The following TENM2 variants were observed in gnomAD, a reference collection of about 807,000 sequenced individuals.
TENM2 encodes the protein teneurin transmembrane protein 2, also known as teneurin-2.
Under a neutral mutation model 245.2 loss-of-function variants are expected in TENM2, and 52 were observed. That is an observed-to-expected ratio of 0.21 (90% CI 0.17 to 0.27). The LOEUF (loss-of-function observed/expected upper bound fraction) is 0.27. TENM2 is among the 10% of genes least tolerant of loss of function. TENM2 has a pLI of 1.00. For missense variants in TENM2, 3,046 were observed against 3,666.8 expected (o/e 0.83, Z 4.37); for synonymous variants, 1,363 against 1,438.9 (o/e 0.95, Z 1.19).
intron 2 of TENM2, among the ~76,000 whole-genome samples, chr5:167,455,822 C>G (rs1765886964): frequency 6.6e-6 from 1 of 152,088 alleles, no homozygotes; most frequent in Non-Finnish European, 1.5e-5. Context: ...TTTCAAAAGA[C>G]ACCCAGCTGC....
chr5:167,037,349 T>G, the TENM2 span, among the ~76,000 whole-genome samples: 1 of 152,196 alleles, frequency 6.6e-6, no homozygotes, highest in Admixed American at 6.5e-5. Context: ...AGGTAATCAT[T>G]TCAGGAGAAA....
rs1267576531 is a variant in TENM2 at position 167,373,389 on chromosome 5, G to A, written c.227-1809G>A. On this transcript the variant is annotated intron_variant, in intron 1 of 28. Coordinates refer to ENST00000518659, the Ensembl canonical transcript of TENM2. ...CAAGAGTTTAGAGACAGAATGATAA[G>A]GAATGATCTTAATGTAATAGATATA... 2.0e-5 allele frequency among the ~76,000 whole-genome samples: 3 copies of A among 152,162 alleles called. No homozygotes were observed. In the East Asian group the frequency reaches 5.8e-4, roughly 29 times the overall value.
At chr5:168,201,851 G>GTTGA (rs1197207423) in intron 17 of TENM2, among the ~76,000 whole-genome samples, 2 of 152,022 alleles carry the variant, frequency 1.3e-5, no homozygotes, top group East Asian at 3.9e-4. Flanking sequence ...ATATAGCGTG[G>GTTGA]TTGGTTGGTT....
At chr5:167,021,674 C>A in the TENM2 span, among the ~76,000 whole-genome samples, 58,591 of 152,016 alleles carry the variant, frequency 0.39, 12,612 homozygotes, top group Admixed American at 0.54. Flanking sequence ...TCTCAGTGTT[C>A]TGTAAAACTG....
At chr5:167,958,376 G>A (rs1440563668) in intron 4 of TENM2, among the ~76,000 whole-genome samples, 1 of 152,060 alleles carries the variant, frequency 6.6e-6, no homozygotes, top group African/African-American at 2.4e-5. Context: ...ATCTGTCTTT[G>A]CATGTGAGAT....
chr5:167,316,940 T>C (rs1756399304), intron 1 of TENM2, among the ~76,000 whole-genome samples: 1 of 152,122 alleles, frequency 6.6e-6, no homozygotes, highest in Non-Finnish European at 1.5e-5. Flanking sequence ...GAGCACACAG[T>C]CAACAATGTC....
chr5:168,178,732 A>G (rs1759577936), intron 13 of TENM2, among the ~76,000 whole-genome samples: 1 of 152,248 alleles, frequency 6.6e-6, no homozygotes, highest in African/African-American at 2.4e-5. Context: ...GTCCTGTGAC[A>G]TTCAGAGGGT....
In TENM2 at chr5:167,690,969, G is replaced by A. The variant is rs868850933; in HGVS notation, c.503-185017G>A. Reference sequence around the variant, plus strand: ...TGTGTGTGTGTGTGTGTGTGTGTGTGTAGAGAGAGAGAGGAATATAAGCAA... The same window carrying A: ...TGTGTGTGTGTGTGTGTGTGTGTGTATAGAGAGAGAGAGGAATATAAGCAA... On this transcript the variant is annotated intron_variant, in intron 2 of 28. Transcript: ENST00000518659. 9.9e-5 allele frequency among the ~76,000 whole-genome samples: 14 copies of A among 141,400 alleles called. No individual in the cohort carries two copies. The East Asian group carries it at 2.2e-3, about 22-fold the overall frequency. The allele number at this position is 141,400 out of a possible 152,430, so 92.8% of individuals were successfully genotyped here. A position where few individuals can be genotyped will look rare whatever the true frequency, so the allele number is the denominator to read the frequency against.
intron 2 of TENM2, among the ~76,000 whole-genome samples, chr5:167,428,775 C>A (rs1764034339): frequency 6.6e-6 from 1 of 152,142 alleles, no homozygotes; most frequent in African/African-American, 2.4e-5. Flanking sequence ...TATCCACCTT[C>A]AATAATTGTT....
intron 1 of TENM2, among the ~76,000 whole-genome samples, chr5:167,371,334 G>GTTTTTTT (rs768614312): frequency 2.3e-5 from 3 of 128,964 alleles, no homozygotes; most frequent in African/African-American, 8.7e-5. Flanking sequence ...ATGGCTCCCT[G>GTTTTTTT]TTTTTTTTTT....
At chr5:168,082,138 T>C (rs1792061230) in intron 7 of TENM2, among the ~76,000 whole-genome samples, 1 of 152,224 alleles carries the variant, frequency 6.6e-6, no homozygotes, top group African/African-American at 2.4e-5. Context: ...TTCTTTTTAC[T>C]CTTTTTTCTC....
chr5:167,206,416 C>T, the TENM2 span, among the ~76,000 whole-genome samples: 24,550 of 152,046 alleles, frequency 0.16, 2,086 homozygotes, highest in South Asian at 0.21. Flanking sequence ...TTGTAGTTCC[C>T]AATCCAATGC....
At chr5:167,316,793 AG>A (rs1437506516) in intron 1 of TENM2, among the ~76,000 whole-genome samples, 1 of 152,202 alleles carries the variant, frequency 6.6e-6, no homozygotes, top group Admixed American at 6.6e-5. Context: ...AATGGAGAAA[AG>A]CCTGGAACAA....
chr5:167,991,849 C>T (rs969054390), intron 4 of TENM2, among the ~76,000 whole-genome samples: 1 of 152,150 alleles, frequency 6.6e-6, no homozygotes, highest in African/African-American at 2.4e-5. Context: ...CAGGTTTTAT[C>T]GAAAGACAGA....
chr5:167,338,163 C>T (rs1186247246), intron 1 of TENM2, among the ~76,000 whole-genome samples: 2 of 152,156 alleles, frequency 1.3e-5, no homozygotes, highest in Non-Finnish European at 2.9e-5. Flanking sequence ...ATTCAGCGGG[C>T]TATAGCAGAA....
intron 5 of TENM2, among the ~76,000 whole-genome samples, chr5:168,006,264 A>T (rs1562043113): frequency 6.6e-6 from 1 of 152,212 alleles, no homozygotes; most frequent in Non-Finnish European, 1.5e-5. Context: ...GGTAGCCCAG[A>T]AAAGACTACC....
At chr5:168,198,756 T>G in intron 15 of TENM2, 97 bp from the exon 18 acceptor site, 8 of 1,447,816 alleles carry the variant, frequency 5.5e-6, no homozygotes, top group Non-Finnish European at 7.6e-6. Flanking sequence ...TCCTCTGTGC[T>G]CTGCCCATCG....
intron 2 of TENM2, among the ~76,000 whole-genome samples, chr5:167,390,682 G>C (rs1158813608): frequency 6.6e-6 from 1 of 151,676 alleles, no homozygotes; most frequent in Admixed American, 6.6e-5. Context: ...AATTGATATA[G>C]AAAAAAAACA....
chr5:167,176,269 G>C, the TENM2 span, among the ~76,000 whole-genome samples: 3 of 152,204 alleles, frequency 2.0e-5, no homozygotes, highest in East Asian at 5.8e-4. Context: ...ACTTTTTGTT[G>C]TTGTTGTTGT....
Sources: allele counts gnomAD v4.1 joint callset (sites outside exome capture counted in the v4.1 genomes callset), GRCh38; gene constraint gnomAD v4.1.1; transcripts MANE v1.5; gene names NCBI Gene and HGNC (gene_info 2026-07-23, HGNC 2026-07-21).